Variants in FRMD7 observed in about 807,000 individuals in gnomAD.
The protein encoded by FRMD7 is FERM domain containing 7, also known as FERM domain-containing protein 7.
In FRMD7, 14 loss-of-function variants were observed where a neutral mutation model predicts 44.1. That is an observed-to-expected ratio of 0.32 (90% CI 0.21 to 0.50). The LOEUF (loss-of-function observed/expected upper bound fraction) is 0.50, where lower values mean the gene tolerates loss of function less well. Ranked by LOEUF, FRMD7 falls within the 20% of genes least tolerant of loss-of-function variation. FRMD7 has a pLI of 0.99. For missense variants in FRMD7, 501 were observed against 522.3 expected (o/e 0.96, Z 0.40); for synonymous variants, 212 against 187.4 (o/e 1.13, Z -1.07).
In FRMD7 at chrX:132,080,077, G is replaced by A. The variant is rs1927756859; in HGVS notation, c.979C>T (p.His327Tyr). ...CGTTCATGGTACTGAGATGGGTAAT[G>A]TTTCCTGAAATCCCCAAGCAGAGAA... ...RLKSLPFERK[H>Y]YPSQYHERQC... Residue 327 changes from histidine (H) to tyrosine (Y), a missense_variant, in exon 11 of 12, where the codon CAT (histidine) becomes TAT (tyrosine). His to Tyr is a moderately conservative substitution (Grantham distance 83, BLOSUM62 2). Coordinates refer to ENST00000298542, the MANE Select transcript of FRMD7 (RefSeq NM_194277.3). 3 of 1,192,306 alleles carry A rather than the reference G, an allele frequency of 2.5e-6. No homozygotes were observed. The highest frequency in any genetic ancestry group is 2.3e-6 in the Non-Finnish European group (2 of 877,753).
chrX:132,127,224 T>G (rs1179926961), intron 1 of FRMD7, among the ~76,000 whole-genome samples: 2 of 112,519 alleles, frequency 1.8e-5, no homozygotes, highest in East Asian at 5.5e-4. Flanking sequence ...TGCAATCATC[T>G]TGTAGCTAGG....
At chrX:132,095,512 G>A (rs773011579) in intron 4 of FRMD7, among the ~76,000 whole-genome samples, 6 of 112,054 alleles carry the variant, frequency 5.4e-5, no homozygotes, top group Non-Finnish European at 1.1e-4. Flanking sequence ...AGCCTTGAAG[G>A]CAATGTGGTG....
In FRMD7 at chrX:132,127,801, ATCT is replaced by A. The variant is rs1929191668; in HGVS notation, c.41_43del (p.Lys14del). The A allele has an allele frequency of 3.3e-6, 4 of 1,206,131 alleles. No individual in the cohort carries two copies. The highest frequency in any genetic ancestry group is 4.5e-6 in the Non-Finnish European group (4 of 890,423). The stretch of plus-strand genomic sequence containing the variant: ...ATTTCCACTTACATCAACCACAAAA[ATCT>A]TCTGGGAATCATCCAAAAACTGCAC... On this transcript the variant is annotated inframe_deletion, in exon 1 of 12. Coordinates refer to ENST00000298542, the MANE Select transcript of FRMD7 (RefSeq NM_194277.3).
chrX:132,127,710 G>T, intron 1 of FRMD7, 78 bp downstream of exon 1: 2 of 775,416 alleles, frequency 2.6e-6, no homozygotes, highest in Non-Finnish European at 4.0e-6. Flanking sequence ...ACATAACATT[G>T]CTCTCTAATG....
intron 2 of FRMD7, among the ~76,000 whole-genome samples, chrX:132,099,964 A>G (rs1928450788): frequency 8.9e-6 from 1 of 112,164 alleles, no homozygotes; most frequent in Admixed American, 9.4e-5. Context: ...TTAGGGTCTG[A>G]GAAAGGAGAA....
At chrX:132,118,484 G>C (rs752365396) in intron 1 of FRMD7, among the ~76,000 whole-genome samples, 35 of 110,144 alleles carry the variant, frequency 3.2e-4, no homozygotes, top group Non-Finnish European at 5.9e-4. Flanking sequence ...TGACCTCACA[G>C]ATTGAATCCC....
intron 1 of FRMD7, among the ~76,000 whole-genome samples, chrX:132,113,939 C>T (rs1453565588): frequency 1.3e-5 from 1 of 79,398 alleles, no homozygotes; most frequent in Non-Finnish European, 2.3e-5. Flanking sequence ...GTCTCCAACC[C>T]CCCACTACTC....
chrX:132,093,546 C>T (rs1052003035), intron 5 of FRMD7, among the ~76,000 whole-genome samples: 2 of 112,674 alleles, frequency 1.8e-5, no homozygotes, highest in African/African-American at 6.4e-5. Context: ...ATGGGGAACG[C>T]TAATAGATGC....
intron 1 of FRMD7, among the ~76,000 whole-genome samples, chrX:132,122,635 G>A (rs762959915): frequency 1.4e-4 from 16 of 111,887 alleles, no homozygotes; most frequent in Non-Finnish European, 2.8e-4. Context: ...CACCATTGAC[G>A]AAGTTCAGAA....
At chrX:132,079,969 A>G (rs753705251) in intron 11 of FRMD7, 37 bp downstream of exon 11, 3 of 919,023 alleles carry the variant, frequency 3.3e-6, no homozygotes, top group Non-Finnish European at 1.6e-6. Context: ...CACAAATTAC[A>G]TTTATCTAAA....
chrX:132,121,621 G>A (rs1429797494), intron 1 of FRMD7, among the ~76,000 whole-genome samples: 1 of 109,800 alleles, frequency 9.1e-6, no homozygotes, highest in African/African-American at 3.3e-5. Context: ...AAGGCACAGA[G>A]AAGTTATATA....
intron 5 of FRMD7, among the ~76,000 whole-genome samples, chrX:132,090,003 AC>A (rs777129013): frequency 8.9e-6 from 1 of 112,460 alleles, no homozygotes; most frequent in Non-Finnish European, 1.9e-5. Context: ...CCACAAGAAC[AC>A]TTGTGTGCCA....
At chrX:132,121,744 A>C (rs1457553380) in intron 1 of FRMD7, among the ~76,000 whole-genome samples, 1 of 111,797 alleles carries the variant, frequency 8.9e-6, no homozygotes. Flanking sequence ...ATTATTCAGT[A>C]ATATTATTGT....
intron 2 of FRMD7, among the ~76,000 whole-genome samples, chrX:132,099,965 G>A (rs1928450915): frequency 8.9e-6 from 1 of 112,171 alleles, no homozygotes; most frequent in Non-Finnish European, 1.9e-5. Flanking sequence ...TAGGGTCTGA[G>A]AAAGGAGAAA....
Position 132,082,366 on chromosome X carries a change from T to C in FRMD7, c.902A>G (p.Tyr301Cys), listed in dbSNP as rs1297486092. The C allele has an allele frequency of 2.5e-6, 3 of 1,207,601 alleles. No homozygotes were observed. Among genetic ancestry groups the C allele is most frequent in the Non-Finnish European group, 3.4e-6 (3 of 891,765 alleles). The change falls in exon 9 of 12, where the codon TAT (tyrosine) becomes TGT (cysteine). Residue 301 changes from tyrosine to cysteine, a missense_variant. Physicochemically the swap from Tyr to Cys is radical, Grantham distance 194. This residue lies in a region of FRMD7 where 453 missense variants were observed against 452.7 expected (regional missense o/e 1.00). Transcript: ENST00000298542. Reference sequence around the variant, plus strand: ...CCTATGTGCATTGTTTAATTACCTATAGCGGAAACTGGAACCCTTGCTGCA... The same window carrying C: ...CCTATGTGCATTGTTTAATTACCTACAGCGGAAACTGGAACCCTTGCTGCA... Reference protein sequence around the residue: ...LLCSKGSSFRYSGRTQRQLLE... With the variant: ...LLCSKGSSFRCSGRTQRQLLE...
At chrX:132,091,522 C>G (rs939873805) in intron 5 of FRMD7, among the ~76,000 whole-genome samples, 1 of 111,421 alleles carries the variant, frequency 9.0e-6, no homozygotes, top group African/African-American at 3.3e-5. Context: ...CCCTGTCCAC[C>G]TTATTTAAAT....
At chrX:132,109,320 C>T (rs907372991) in intron 1 of FRMD7, among the ~76,000 whole-genome samples, 12 of 110,622 alleles carry the variant, frequency 1.1e-4, no homozygotes, top group African/African-American at 6.6e-5. Context: ...TAAAAGTCAA[C>T]GCCTCATCTC....
chrX:132,121,292 T>A (rs776875221), intron 1 of FRMD7, among the ~76,000 whole-genome samples: 13 of 111,930 alleles, frequency 1.2e-4, no homozygotes, highest in Middle Eastern at 4.7e-3. Context: ...AGCTCACCTG[T>A]TAACTTAAAT....
At chrX:132,085,505 G>T in intron 7 of FRMD7, 76 bp downstream of exon 7, 1 of 990,108 alleles carries the variant, frequency 1.0e-6, no homozygotes, top group Non-Finnish European at 1.4e-6. Context: ...ATCACCTTGG[G>T]AAAGGACACC....
Sources: allele counts gnomAD v4.1 joint callset (sites outside exome capture counted in the v4.1 genomes callset), GRCh38; gene constraint gnomAD v4.1.1; regional missense constraint gnomAD v4.1.1; transcripts MANE v1.5; gene names NCBI Gene and HGNC (gene_info 2026-07-23, HGNC 2026-07-21).